The following UGT1A9 variants were observed in gnomAD, a reference collection of about 807,000 sequenced individuals.
The protein encoded by UGT1A9 is UDP glucuronosyltransferase family 1 member A9, also known as UDP-glucuronosyltransferase 1A9.
A neutral mutation model predicts 45.0 loss-of-function variants in UGT1A9; 35 were observed. The ratio of observed to expected loss-of-function variants is 0.78; its 90% CI spans 0.59 to 1.03. UGT1A9 has a LOEUF of 1.03. Ranked by LOEUF, UGT1A9 falls within the 50% of genes least tolerant of loss-of-function variation. UGT1A9 has a pLI of 0.00. For missense variants in UGT1A9, 687 were observed against 666.6 expected, an observed-to-expected ratio of 1.03 and a Z score of -0.34; for synonymous variants, 278 against 250.6, an observed-to-expected ratio of 1.11 and a Z score of -1.03.
chr2:233,690,420 A>C (rs1433284612), intron 1 of UGT1A9: 1 of 1,233,876 alleles, frequency 8.1e-7, no homozygotes, highest in African/African-American at 1.6e-5. Flanking sequence ...AATTACCTTC[A>C]TGCACATCTT....
At chr2:233,702,416 C>A (rs186724566) in intron 1 of UGT1A9, among the ~76,000 whole-genome samples, 2 of 152,028 alleles carry the variant, frequency 1.3e-5, no homozygotes, top group African/African-American at 4.8e-5. Context: ...ATAGAGATAG[C>A]GTTACTTCTT....
intron 1 of UGT1A9, among the ~76,000 whole-genome samples, chr2:233,680,389 C>T (rs1292705850): frequency 6.6e-6 from 1 of 152,154 alleles, no homozygotes; most frequent in Non-Finnish European, 1.5e-5. Context: ...CCTGCAATAG[C>T]AACAGGAGGT....
chr2:233,697,389 G>T (rs1033670982), intron 1 of UGT1A9, among the ~76,000 whole-genome samples: 1 of 151,952 alleles, frequency 6.6e-6, no homozygotes, highest in African/African-American at 2.4e-5. Flanking sequence ...AATCGCTAAT[G>T]ATCCTTTGTA....
intron 1 of UGT1A9, among the ~76,000 whole-genome samples, chr2:233,700,929 G>T (rs577759047): frequency 6.6e-6 from 1 of 151,662 alleles, no homozygotes; most frequent in Non-Finnish European, 1.5e-5. Flanking sequence ...GTGTCTGTGT[G>T]TGATTGTTCA....
intron 1 of UGT1A9, among the ~76,000 whole-genome samples, chr2:233,723,516 C>CTTT (rs1162916866): frequency 1.9e-4 from 16 of 85,394 alleles, no homozygotes; most frequent in African/African-American, 7.3e-4. Context: ...GGTCAACAAT[C>CTTT]TTTTTTTTTT....
intron 1 of UGT1A9, chr2:233,747,959 C>T: frequency 6.2e-7 from 1 of 1,613,522 alleles, no homozygotes; most frequent in Non-Finnish European, 8.5e-7. Context: ...TGGATCTTCT[C>T]AGCCATGCAT....
At chr2:233,712,032 A>G (rs564582261) in intron 1 of UGT1A9, among the ~76,000 whole-genome samples, 2 of 152,204 alleles carry the variant, frequency 1.3e-5, no homozygotes, top group Non-Finnish European at 2.9e-5. Flanking sequence ...TTGGTGCTGG[A>G]TTGACTTGGA....
At chr2:233,728,912 TC>T in intron 1 of UGT1A9, among the ~76,000 whole-genome samples, 1 of 148,378 alleles carries the variant, frequency 6.7e-6, no homozygotes, top group Non-Finnish European at 1.5e-5. Context: ...GACGTGTTTT[TC>T]AAGATAGTCA....
chr2:233,685,462 A>G (rs753392033), intron 1 of UGT1A9, among the ~76,000 whole-genome samples: 1 of 152,240 alleles, frequency 6.6e-6, no homozygotes, highest in Non-Finnish European at 1.5e-5. Context: ...ATCTAGGGCC[A>G]GTGCAGCTCT....
intron 1 of UGT1A9, among the ~76,000 whole-genome samples, chr2:233,752,050 A>C (rs1396714360): frequency 6.6e-6 from 1 of 152,244 alleles, no homozygotes; most frequent in Non-Finnish European, 1.5e-5. Context: ...TGTTGTGTGA[A>C]TGATTTCCCG....
At chr2:233,729,801 T>C (rs1335994294) in intron 1 of UGT1A9, 3 of 1,613,964 alleles carry the variant, frequency 1.9e-6, no homozygotes, top group Non-Finnish European at 1.7e-6. Context: ...ACATTTGCCA[T>C]GCTTTTTCTG....
In UGT1A9 at chr2:233,772,298, C is replaced by G; in HGVS notation, c.1332C>G (p.His444Gln). ...KENIMRLSSL[H>Q]KDRPVEPLDL... ...ACATCATGCGCCTCTCCAGCCTTCACAAGGACCGCCCGGTGGAGCCGCTGG... is the reference window on the plus strand; with the variant it reads ...ACATCATGCGCCTCTCCAGCCTTCAGAAGGACCGCCCGGTGGAGCCGCTGG... The change falls in exon 5 of 5, where the codon CAC becomes CAG. Residue 444 changes from histidine (H) to glutamine (Q), a missense_variant. By Grantham distance (24) the His-to-Gln change is conservative. Coordinates refer to ENST00000354728, the MANE Select transcript of UGT1A9 (RefSeq NM_021027.3). The G allele has an allele frequency of 1.9e-6, 3 of 1,614,234 alleles. No homozygotes were observed. The highest frequency in any genetic ancestry group is 8.5e-7 in the Non-Finnish European group (1 of 1,180,048).
chr2:233,698,174 G>T (rs370008696), intron 1 of UGT1A9, among the ~76,000 whole-genome samples: 2 of 152,246 alleles, frequency 1.3e-5, no homozygotes, highest in South Asian at 4.1e-4. Context: ...AGAACATTCT[G>T]TATTATGATA....
intron 1 of UGT1A9, among the ~76,000 whole-genome samples, chr2:233,683,876 C>A (rs1233515358): frequency 6.6e-6 from 1 of 152,100 alleles, no homozygotes; most frequent in East Asian, 1.9e-4. Flanking sequence ...ATTATTCCCT[C>A]CCCTGGTATT....
intron 1 of UGT1A9, among the ~76,000 whole-genome samples, chr2:233,700,098 G>A (rs1027814620): frequency 1.3e-5 from 2 of 152,182 alleles, no homozygotes; most frequent in African/African-American, 4.8e-5. Context: ...TGGAGGTGTG[G>A]AGGGCAGCAA....
chr2:233,713,305 A>G, intron 1 of UGT1A9: 3 of 1,614,274 alleles, frequency 1.9e-6, no homozygotes, highest in Non-Finnish European at 2.5e-6. Context: ...GAAACAGAAC[A>G]TCTTCTGATG....
intron 1 of UGT1A9, chr2:233,713,522 A>G (rs1180807745): frequency 1.2e-6 from 2 of 1,613,850 alleles, no homozygotes; most frequent in Non-Finnish European, 1.7e-6. Flanking sequence ...GGAACATTCC[A>G]TGTGATTTAG....
intron 1 of UGT1A9, among the ~76,000 whole-genome samples, chr2:233,716,830 C>G (rs1426652870): frequency 6.6e-6 from 1 of 152,152 alleles, no homozygotes; most frequent in African/African-American, 2.4e-5. Flanking sequence ...CTCACTGACA[C>G]CCATGGCTTC....
At chr2:233,696,203 A>T (rs1245645591) in intron 1 of UGT1A9, among the ~76,000 whole-genome samples, 2 of 152,264 alleles carry the variant, frequency 1.3e-5, no homozygotes, top group African/African-American at 4.8e-5. Context: ...TCCCATGTTT[A>T]TTATAGCACT....
Sources: allele counts gnomAD v4.1 joint callset (sites outside exome capture counted in the v4.1 genomes callset), GRCh38; gene constraint gnomAD v4.1.1; transcripts MANE v1.5; gene names NCBI Gene and HGNC (gene_info 2026-07-23, HGNC 2026-07-21).